The following TFIP11 variants were observed in gnomAD, a reference collection of about 807,000 sequenced individuals.
The protein encoded by TFIP11 is tuftelin interacting protein 11.
TFIP11 carries 86 observed loss-of-function variants against 96.8 expected under a neutral mutation model. That is an observed-to-expected ratio of 0.89 (90% CI 0.75 to 1.06). The LOEUF is 1.06. Ranked by LOEUF, TFIP11 falls within the 50% of genes least tolerant of loss-of-function variation. The pLI, the probability that TFIP11 is intolerant of heterozygous loss-of-function variation, is 0.00. For synonymous variants in TFIP11, 405 were observed against 395.2 expected, an observed-to-expected ratio of 1.02 and a Z score of -0.29; for missense variants, 881 against 1,076.7, an observed-to-expected ratio of 0.82 and a Z score of 2.54.
rs1263057573 is a variant in TFIP11 at position 26,491,896 on chromosome 22, G to A, written c.*117C>T. 22 of 1,098,900 alleles carry A rather than the reference G, an allele frequency of 2.0e-5. No homozygotes were observed. Among genetic ancestry groups the A allele is most frequent in the Non-Finnish European group, 2.7e-5 (21 of 773,760 alleles). The allele number at this position is 1,098,900 out of a possible 1,614,324, so 68.1% of individuals were successfully genotyped here. On this transcript the variant is annotated 3_prime_UTR_variant, in exon 15 of 15. Transcript: ENST00000407690. ...TCCTTCCCTCATGACCTGGCCTGAT[G>A]TGGAGTAGCTCCTGAGTAAAGAAGT...
chr22:26,491,772 G>C lies in TFIP11; in HGVS notation c.*241C>G. On this transcript the variant is annotated 3_prime_UTR_variant, in exon 15 of 15. Coordinates refer to ENST00000407690, the MANE Select transcript of TFIP11 (RefSeq NM_012143.4). ...GAACTACAGAGAACTCCTTTGCCAG[G>C]AAAGAACATCAACTTGGCTGTCCTG... 8.6e-7 allele frequency: 1 copy of C among 1,159,374 alleles called. No homozygotes were observed. The allele number at this position is 1,159,374 out of a possible 1,614,324, so 71.8% of individuals were successfully genotyped here. A position where few individuals can be genotyped will look rare whatever the true frequency, so the allele number is the denominator to read the frequency against.
chr22:26,504,616 G>A (rs1923187856), intron 6 of TFIP11, among the ~76,000 whole-genome samples: 1 of 152,100 alleles, frequency 6.6e-6, no homozygotes, highest in African/African-American at 2.4e-5. Flanking sequence ...AGTGAGCTAT[G>A]ATCATGCCAT....
At chr22:26,495,640 GTA>G (rs1921903631) in intron 12 of TFIP11, among the ~76,000 whole-genome samples, 1 of 41,722 alleles carries the variant, frequency 2.4e-5, no homozygotes, top group African/African-American at 6.9e-5. Flanking sequence ...ATATACATGT[GTA>G]TATATACATG....
Position 26,502,029 on chromosome 22 carries a change from C to T in TFIP11, c.672G>A (p.Gln224=). Residue 224 remains glutamine, a synonymous_variant, in exon 8 of 15, where the codon CAG becomes CAA. Coordinates refer to ENST00000407690, the MANE Select transcript of TFIP11 (RefSeq NM_012143.4). The part of the protein sequence containing the change: ...AEEEFQKELS[Q]WRKDPSGSKK... ...TGCTTCCACTTGGGTCTTTCCTCCACTGGCTCAGCTCCTTCTGAAACTCCT... is the reference window on the plus strand; with the variant it reads ...TGCTTCCACTTGGGTCTTTCCTCCATTGGCTCAGCTCCTTCTGAAACTCCT... The T allele has an allele frequency of 6.2e-7, 1 of 1,614,050 alleles. No individual in the cohort carries two copies.
At chr22:26,501,715 T>G (rs1043611070) in intron 8 of TFIP11, among the ~76,000 whole-genome samples, 185 bp downstream of exon 8, 1 of 139,548 alleles carries the variant, frequency 7.2e-6, no homozygotes, top group Admixed American at 7.5e-5. Flanking sequence ...AATAGGAACA[T>G]GATATTAATA....
At chr22:26,501,213 G>A (rs993190670) in intron 8 of TFIP11, among the ~76,000 whole-genome samples, 4 of 152,078 alleles carry the variant, frequency 2.6e-5, no homozygotes, top group African/African-American at 7.2e-5. Flanking sequence ...CTACATGGAC[G>A]TAACAGTGGC....
At position 26,495,574 on chromosome 22, in the gene TFIP11, A is replaced by ATG. The variant is rs1399047855; in HGVS notation, c.1849+497_1849+498dup. Among the ~76,000 whole-genome samples, 11 of 74,826 alleles carry ATG rather than the reference A, an allele frequency of 1.5e-4. 1 individual carries two copies. The highest frequency in any genetic ancestry group is 1.4e-3 in the East Asian group (4 of 2,798). The allele number at this position is 74,826 out of a possible 152,430, so 49.1% of individuals were successfully genotyped here. The stretch of plus-strand genomic sequence containing the variant: ...TGTGTATATATATACACATATATAT[A>ATG]TGTGTGTGTGTGTATACATATATAC... On this transcript the variant is annotated intron_variant, in intron 12 of 14. Transcript: ENST00000407690.
chr22:26,503,620 A>C, intron 7 of TFIP11, 46 bp downstream of exon 7: 2 of 1,606,384 alleles, frequency 1.2e-6, no homozygotes, highest in Non-Finnish European at 1.7e-6. Context: ...CAGCCATTAG[A>C]AATGGACAGG....
At chr22:26,505,026 G>A (rs1406511849) in intron 6 of TFIP11, among the ~76,000 whole-genome samples, 1 of 152,154 alleles carries the variant, frequency 6.6e-6, no homozygotes, top group Non-Finnish European at 1.5e-5. Flanking sequence ...CAGATGAGTT[G>A]AGATCGTGCC....
At chr22:26,495,865 AG>A (rs1276894308) in intron 12 of TFIP11, among the ~76,000 whole-genome samples, 1 of 152,158 alleles carries the variant, frequency 6.6e-6, no homozygotes, top group African/African-American at 2.4e-5. Context: ...GTCGACTATT[AG>A]TGACTGTTGT....
chr22:26,507,378 A>G (rs1478246759), intron 4 of TFIP11, among the ~76,000 whole-genome samples: 1 of 152,212 alleles, frequency 6.6e-6, no homozygotes, highest in Non-Finnish European at 1.5e-5. Flanking sequence ...TATTAATCAA[A>G]CTTAGAAAAA....
intron 10 of TFIP11, 60 bp downstream of exon 10, chr22:26,498,809 A>G (rs1922377510): frequency 7.1e-7 from 1 of 1,410,988 alleles, no homozygotes; most frequent in South Asian, 1.2e-5. Flanking sequence ...ACCTTCAGCA[A>G]TCCTTCCCAA....
In TFIP11 at chr22:26,512,424, C is replaced by T. The variant is rs1036123597; in HGVS notation, c.-203G>A. On this transcript the variant is annotated 5_prime_UTR_variant, in exon 1 of 15. Coordinates refer to ENST00000407690, the MANE Select transcript of TFIP11 (RefSeq NM_012143.4). ...CGAGGGTCCAGCGTACCAAATTCAGCTTCACCATCCGCGCGAGAAGACGCC... is the reference window on the plus strand; with the variant it reads ...CGAGGGTCCAGCGTACCAAATTCAGTTTCACCATCCGCGCGAGAAGACGCC... 6.6e-6 allele frequency: 1 copy of T among 152,328 alleles called. No homozygotes were observed. The highest frequency in any genetic ancestry group is 2.4e-5 in the African/African-American group (1 of 41,466). 9.4% of individuals were successfully genotyped at this position (152,328 alleles called of 1,614,324 possible). A position where few individuals can be genotyped will look rare whatever the true frequency, so the allele number is the denominator to read the frequency against.
intron 2 of TFIP11, chr22:26,511,138 A>G (rs1924003331): frequency 6.6e-6 from 1 of 152,398 alleles, no homozygotes; most frequent in Non-Finnish European, 1.5e-5. Context: ...AGGTCCCACA[A>G]TAGGCTGTCT....
intron 4 of TFIP11, among the ~76,000 whole-genome samples, chr22:26,507,631 A>C (rs200994757): frequency 6.1e-5 from 1 of 16,320 alleles, no homozygotes; most frequent in Non-Finnish European, 1.1e-4. Context: ...CCTTATCTCC[A>C]AAAAAAAAAA....
chr22:26,494,030 T>C (rs1921591024), intron 14 of TFIP11, 109 bp downstream of exon 14: 3 of 1,308,818 alleles, frequency 2.3e-6, no homozygotes, highest in South Asian at 2.8e-5. Flanking sequence ...AAGTGTGACC[T>C]AAGGTTTAGG....
chr22:26,494,517 C>G lies in TFIP11; in HGVS notation c.1993-213G>C, dbSNP rs1400395458. The G allele has an allele frequency of 9.9e-6, 7 of 710,188 alleles. No homozygotes were observed. In the East Asian group the frequency reaches 1.9e-4, roughly 19 times the overall value. The allele number at this position is 710,188 out of a possible 1,614,324, so 44.0% of individuals were successfully genotyped here. A position where few individuals can be genotyped will look rare whatever the true frequency, so the allele number is the denominator to read the frequency against. ...GCCCTTGCATGTAAACTCTCTGAGC[C>G]TCAGCTTCCATGTCTACACAACAGG... On this transcript the variant is annotated intron_variant, in intron 13 of 14. Coordinates refer to ENST00000407690, the MANE Select transcript of TFIP11 (RefSeq NM_012143.4).
chr22:26,510,649 C>A lies in TFIP11; in HGVS notation c.-42G>T, dbSNP rs1307467437. 5.5e-6 allele frequency: 1 copy of A among 181,640 alleles called. No individual in the cohort carries two copies. Among genetic ancestry groups the A allele is most frequent in the Non-Finnish European group, 1.2e-5 (1 of 85,610 alleles). The allele number at this position is 181,640 out of a possible 1,614,324, so 11.3% of individuals were successfully genotyped here. ...AATGAGTAGGTATCTTCTTAGATCC[C>A]AGATTCTTTTTTCTATTACTGAGGA... On this transcript the variant is annotated 5_prime_UTR_variant, in exon 3 of 15. Coordinates refer to ENST00000407690, the MANE Select transcript of TFIP11 (RefSeq NM_012143.4).
rs981326457 is a variant in TFIP11 at position 26,510,041 on chromosome 22, G to A, written c.209+23C>T. ...CCCCTCTTCCCTAAAGCAAGGTGAAGCAGCCCCCATGCCAGGCAATACCGT... is the reference window on the plus strand; with the variant it reads ...CCCCTCTTCCCTAAAGCAAGGTGAAACAGCCCCCATGCCAGGCAATACCGT... On this transcript the variant is annotated intron_variant, in intron 4 of 14. Coordinates refer to ENST00000407690, the MANE Select transcript of TFIP11 (RefSeq NM_012143.4). 2.5e-6 allele frequency: 4 copies of A among 1,610,874 alleles called. No individual in the cohort carries two copies. In the South Asian group the frequency reaches 4.4e-5, roughly 18 times the overall value.
Sources: allele counts gnomAD v4.1 joint callset (sites outside exome capture counted in the v4.1 genomes callset), GRCh38; gene constraint gnomAD v4.1.1; transcripts MANE v1.5; gene names NCBI Gene and HGNC (gene_info 2026-07-23, HGNC 2026-07-21).